Variants in CHST11 observed in about 807,000 individuals in gnomAD.
The protein encoded by CHST11 is C4S-1.
A neutral mutation model predicts 30.4 loss-of-function variants in CHST11; 9 were observed. The ratio of observed to expected loss-of-function variants is 0.30; its 90% CI spans 0.18 to 0.52. CHST11 has a LOEUF of 0.52. Among genes scored for constraint, CHST11 ranks in the 20% least tolerant of loss-of-function variants. The probability of loss-of-function intolerance (pLI) is 0.97; values close to 1 mark genes in which losing one functional copy is unlikely to be tolerated. For missense variants in CHST11, 348 were observed against 460.6 expected, an observed-to-expected ratio of 0.76 and a Z score of 2.24; for synonymous variants, 152 against 187.8, an observed-to-expected ratio of 0.81 and a Z score of 1.56.
chr12:104,739,256 A>G (rs2040327972), intron 2 of CHST11, among the ~76,000 whole-genome samples: 1 of 152,232 alleles, frequency 6.6e-6, no homozygotes, highest in Non-Finnish European at 1.5e-5. Flanking sequence ...GAAAAGTGAC[A>G]TCAGCCACTC....
intron 2 of CHST11, among the ~76,000 whole-genome samples, chr12:104,655,950 CT>C (rs1252124035): frequency 1.3e-5 from 2 of 152,158 alleles, no homozygotes; most frequent in Non-Finnish European, 2.9e-5. Context: ...CTATGATTTT[CT>C]TAGTTTTTTC....
At chr12:104,626,796 C>T (rs7133216) in intron 2 of CHST11, among the ~76,000 whole-genome samples, 3,561 of 152,046 alleles carry the variant, frequency 0.023, 138 homozygotes, top group South Asian at 0.08. Flanking sequence ...CGGCCTCCCC[C>T]GTCATCAGCA....
chr12:104,669,027 TC>T (rs2039666035), intron 2 of CHST11, among the ~76,000 whole-genome samples: 1 of 152,150 alleles, frequency 6.6e-6, no homozygotes, highest in Non-Finnish European at 1.5e-5. Context: ...CATTTCTTTC[TC>T]CCCATTTCTG....
intron 1 of CHST11, among the ~76,000 whole-genome samples, chr12:104,463,432 G>T (rs1178572180): frequency 6.6e-6 from 1 of 152,114 alleles, no homozygotes; most frequent in Non-Finnish European, 1.5e-5. Flanking sequence ...CAATGTGAGT[G>T]ATTGAAACTT....
intron 2 of CHST11, among the ~76,000 whole-genome samples, chr12:104,722,824 C>T (rs1372274136): frequency 6.6e-6 from 1 of 152,084 alleles, no homozygotes; most frequent in Non-Finnish European, 1.5e-5. Context: ...TCAAAGTGAG[C>T]CAAGACCTTT....
intron 2 of CHST11, among the ~76,000 whole-genome samples, chr12:104,727,110 C>T (rs1408602944): frequency 6.6e-6 from 1 of 152,022 alleles, no homozygotes; most frequent in African/African-American, 2.4e-5. Flanking sequence ...ACCCCCACCC[C>T]AAATGATGGT....
intron 2 of CHST11, among the ~76,000 whole-genome samples, chr12:104,613,231 AC>A (rs201789217): frequency 0.011 from 1,714 of 152,050 alleles, 33 homozygotes; most frequent in African/African-American, 0.038. Context: ...GAATCAACTT[AC>A]ATGTCCATCA....
At position 104,757,179 on chromosome 12, in the gene CHST11, C is replaced by T. The variant is rs773045167; in HGVS notation, c.435C>T (p.Ser145=). Residue 145 remains serine, a synonymous_variant, in exon 3 of 3, where the codon AGC becomes AGT. Coordinates refer to ENST00000303694, the MANE Select transcript of CHST11 (RefSeq NM_018413.6). The surrounding 1 kb of genome is among the most constrained non-coding windows in gnomAD (Gnocchi z 6.5). The part of the protein sequence containing the change: ...MMVLTGRGKY[S]DPMEIPANEA... The stretch of plus-strand genomic sequence containing the variant: ...TCCTGACCGGGCGGGGGAAGTACAG[C>T]GACCCCATGGAGATCCCGGCCAACG... 1.4e-5 allele frequency: 22 copies of T among 1,613,972 alleles called. No individual in the cohort carries two copies. Among genetic ancestry groups the T allele is most frequent in the Non-Finnish European group, 1.5e-5 (18 of 1,180,026 alleles).
chr12:104,677,026 T>G (rs1344031971), intron 2 of CHST11, among the ~76,000 whole-genome samples: 2 of 152,098 alleles, frequency 1.3e-5, no homozygotes, highest in Non-Finnish European at 2.9e-5. Flanking sequence ...TTCTCCAACC[T>G]TCTCCCGACC....
intron 1 of CHST11, among the ~76,000 whole-genome samples, chr12:104,488,679 G>T (rs368741464): frequency 1.9e-4 from 28 of 149,882 alleles, no homozygotes; most frequent in Admixed American, 4.6e-4. Context: ...ATGTGTATGC[G>T]TCTGTGTATG....
chr12:104,756,935 T>G lies in CHST11; in HGVS notation c.205-14T>G. ...AAGTACTGAGTTCTTATTCGTCTTG[T>G]GTCTCCTCTGCAGCTGGAGCTCTCA... On this transcript the variant is annotated splice_polypyrimidine_tract_variant and intron_variant, in intron 2 of 2. Transcript: ENST00000303694. The G allele has an allele frequency of 1.2e-6, 2 of 1,604,444 alleles. No homozygotes were observed. Among genetic ancestry groups the G allele is most frequent in the Non-Finnish European group, 8.5e-7 (1 of 1,174,776 alleles).
intron 2 of CHST11, among the ~76,000 whole-genome samples, chr12:104,728,966 G>A (rs183912595): frequency 9.7e-4 from 147 of 152,280 alleles, no homozygotes; most frequent in Non-Finnish European, 1.4e-3. Flanking sequence ...TTACAAAACA[G>A]TATAATACCA....
At chr12:104,669,162 G>A (rs938234075) in intron 2 of CHST11, among the ~76,000 whole-genome samples, 3 of 152,156 alleles carry the variant, frequency 2.0e-5, no homozygotes, top group Non-Finnish European at 2.9e-5. Flanking sequence ...CAGCCAGCTG[G>A]GTGAATGTTC....
chr12:104,509,426 C>T (rs7977451), intron 1 of CHST11, among the ~76,000 whole-genome samples: 11,774 of 152,200 alleles, frequency 0.077, 846 homozygotes, highest in African/African-American at 0.19. Flanking sequence ...GTATCTTGTA[C>T]CTGCTTCTGT....
Position 104,514,059 on chromosome 12 carries a change from C to G in CHST11, c.118+56530C>G. 4.9e-6 allele frequency: 5 copies of G among 1,013,074 alleles called. No homozygotes were observed. In the South Asian group the frequency reaches 5.0e-5, roughly 10 times the overall value. The allele number at this position is 1,013,074 out of a possible 1,614,324, so 62.8% of individuals were successfully genotyped here. A position where few individuals can be genotyped will look rare whatever the true frequency, so the allele number is the denominator to read the frequency against. On this transcript the variant is annotated intron_variant, in intron 1 of 2. Transcript: ENST00000303694. ...GACCCCCGGGGCACTACTCATTTCT[C>G]TAGCTCTGGTTTACTGTGGTACCAG...
intron 1 of CHST11, among the ~76,000 whole-genome samples, chr12:104,494,244 G>A (rs755318043): frequency 6.6e-6 from 1 of 152,156 alleles, no homozygotes; most frequent in Non-Finnish European, 1.5e-5. Context: ...ATGCCGTGCC[G>A]ATGAGAGACA....
intron 2 of CHST11, among the ~76,000 whole-genome samples, chr12:104,648,175 T>G (rs1018597616): frequency 6.6e-6 from 1 of 152,188 alleles, no homozygotes; most frequent in African/African-American, 2.4e-5. Context: ...CTGCAATAAT[T>G]GCTTCTTCAC....
At chr12:104,694,686 G>A (rs1351970160) in intron 2 of CHST11, among the ~76,000 whole-genome samples, 1 of 152,158 alleles carries the variant, frequency 6.6e-6, no homozygotes, top group African/African-American at 2.4e-5. Flanking sequence ...GAGGGGACAT[G>A]GGCCTTTGTG....
intron 1 of CHST11, among the ~76,000 whole-genome samples, chr12:104,536,085 A>G (rs2038235233): frequency 6.6e-6 from 1 of 152,240 alleles, no homozygotes; most frequent in South Asian, 2.1e-4. Context: ...GGTTTTTTCC[A>G]TACAAAAATA....
Sources: allele counts gnomAD v4.1 joint callset (sites outside exome capture counted in the v4.1 genomes callset), GRCh38; gene constraint gnomAD v4.1.1; non-coding constraint Gnocchi (gnomAD v3.1); transcripts MANE v1.5; gene names NCBI Gene and HGNC (gene_info 2026-07-23, HGNC 2026-07-21).